TAMM41: variants seen among roughly 807,000 people sequenced by gnomAD.
TAMM41 encodes phosphatidate cytidylyltransferase, mitochondrial.
TAMM41 carries 36 observed loss-of-function variants against 44.1 expected under a neutral mutation model. The ratio of observed to expected loss-of-function variants is 0.82; its 90% CI spans 0.63 to 1.08. TAMM41 has a LOEUF of 1.08. Ranked by LOEUF, TAMM41 falls within the 50% of genes least tolerant of loss-of-function variation. The pLI, the probability that TAMM41 is intolerant of heterozygous loss-of-function variation, is 0.00. For missense variants in TAMM41, 417 were observed against 404.3 expected (o/e 1.03, Z -0.27); for synonymous variants, 164 against 153.1 (o/e 1.07, Z -0.53).
At chr3:11,805,724 GA>G (rs1261416774) in intron 7 of TAMM41, among the ~76,000 whole-genome samples, 1 of 152,240 alleles carries the variant, frequency 6.6e-6, no homozygotes, top group Non-Finnish European at 1.5e-5. Flanking sequence ...GAATTAGGTT[GA>G]AAGATCACTC....
intron 3 of TAMM41, among the ~76,000 whole-genome samples, chr3:11,833,560 G>T (rs2079066792): frequency 6.6e-6 from 1 of 152,218 alleles, no homozygotes; most frequent in Non-Finnish European, 1.5e-5. Flanking sequence ...AGAGCTGGAT[G>T]AAACCTTACT....
At chr3:11,795,159 GA>G (rs2077574786) in intron 7 of TAMM41, among the ~76,000 whole-genome samples, 1 of 152,214 alleles carries the variant, frequency 6.6e-6, no homozygotes, top group Admixed American at 6.5e-5. Flanking sequence ...GAGCAAGACT[GA>G]ACCTGTCTTG....
intron 4 of TAMM41, among the ~76,000 whole-genome samples, chr3:11,823,069 T>C (rs2078589388): frequency 6.6e-6 from 1 of 152,222 alleles, no homozygotes; most frequent in Non-Finnish European, 1.5e-5. Flanking sequence ...ACAGCCATTG[T>C]AGCAGGTATA....
chr3:11,729,240 A>G, the TAMM41 span, among the ~76,000 whole-genome samples: 1 of 152,282 alleles, frequency 6.6e-6, no homozygotes, highest in South Asian at 2.1e-4. Context: ...ACAATTCAAC[A>G]TGCAATATAT....
At chr3:11,729,539 A>ATTTTTTTTTTTTT in the TAMM41 span, among the ~76,000 whole-genome samples, 53 of 32,294 alleles carry the variant, frequency 1.6e-3, 8 homozygotes, top group Admixed American at 2.9e-3. Context: ...TCTTTCTTTC[A>ATTTTTTTTTTTTT]TTTTTTTTTT....
At chr3:11,769,181 ACGGG>A in the TAMM41 span, among the ~76,000 whole-genome samples, 1 of 152,062 alleles carries the variant, frequency 6.6e-6, no homozygotes, top group Non-Finnish European at 1.5e-5. Context: ...CTCTAACCTG[ACGGG>A]TTCAAGCGAT....
chr3:11,799,374 C>T (rs2077688820), intron 7 of TAMM41, among the ~76,000 whole-genome samples: 1 of 152,176 alleles, frequency 6.6e-6, no homozygotes, highest in Non-Finnish European at 1.5e-5. Context: ...CCAAGTCACA[C>T]TGGTTAGGTT....
At chr3:11,749,514 G>A in the TAMM41 span, among the ~76,000 whole-genome samples, 1 of 152,334 alleles carries the variant, frequency 6.6e-6, no homozygotes, top group African/African-American at 2.4e-5. Flanking sequence ...CCAGTCCATT[G>A]TTTAGTACTA....
chr3:11,766,877 G>A, the TAMM41 span, among the ~76,000 whole-genome samples: 3 of 152,066 alleles, frequency 2.0e-5, no homozygotes, highest in African/African-American at 7.2e-5. Flanking sequence ...CCTAGAGTAT[G>A]TTTTTAAATT....
chr3:11,813,880 ATGTATATATGTGTATATATGTATATATG>A (rs1162145483), intron 5 of TAMM41, among the ~76,000 whole-genome samples: 4 of 145,664 alleles, frequency 2.7e-5, no homozygotes, highest in African/African-American at 1.1e-4. Context: ...ATATGTATAT[ATGTATATATGTGTATATATGTATATATG>A]TGTGTATATA....
intron 4 of TAMM41, among the ~76,000 whole-genome samples, chr3:11,824,046 G>T (rs1575673441): frequency 2.0e-5 from 3 of 151,516 alleles, no homozygotes. Flanking sequence ...AGACTGGTCT[G>T]GAACCCCTGA....
chr3:11,813,828 A>ATGTG (rs143683206), intron 5 of TAMM41, among the ~76,000 whole-genome samples: 15,232 of 142,606 alleles, frequency 0.11, 1,170 homozygotes, highest in Admixed American at 0.25. Context: ...GTACAAATAT[A>ATGTG]TGTGTGTGTG....
At chr3:11,842,186 C>T (rs528149342) in intron 2 of TAMM41, among the ~76,000 whole-genome samples, 3 of 152,144 alleles carry the variant, frequency 2.0e-5, no homozygotes, top group Admixed American at 1.3e-4. Context: ...GTCAGGAGTT[C>T]GTGACCAGCC....
the TAMM41 span, among the ~76,000 whole-genome samples, chr3:11,750,476 T>A: frequency 1.3e-5 from 2 of 151,602 alleles, no homozygotes; most frequent in Non-Finnish European, 2.9e-5. Flanking sequence ...GTGCGGCTAA[T>A]TTTTACATTT....
intron 5 of TAMM41, chr3:11,810,745 T>A (rs1341413232): frequency 3.9e-5 from 6 of 152,192 alleles, no homozygotes; most frequent in Non-Finnish European, 5.9e-5. Context: ...TACCATTTTT[T>A]AAATTGAATA....
the TAMM41 span, among the ~76,000 whole-genome samples, chr3:11,728,459 T>C: frequency 6.6e-6 from 1 of 152,250 alleles, no homozygotes; most frequent in Non-Finnish European, 1.5e-5. Context: ...GCAAAATGTC[T>C]GTACAAGTAT....
chr3:11,790,339 G>A (rs2077449980), downstream of TAMM41: 1 of 677,458 alleles, frequency 1.5e-6, no homozygotes, highest in Admixed American at 2.7e-5. Context: ...ATATATTTGG[G>A]TCCCAACTGG....
the TAMM41 span, among the ~76,000 whole-genome samples, chr3:11,782,688 C>T: frequency 1.3e-5 from 2 of 152,196 alleles, no homozygotes; most frequent in Admixed American, 6.5e-5. Flanking sequence ...CATTTTTATA[C>T]AGTCCACTAG....
the TAMM41 span, among the ~76,000 whole-genome samples, chr3:11,751,813 G>A: frequency 6.6e-6 from 1 of 152,198 alleles, no homozygotes; most frequent in African/African-American, 2.4e-5. Context: ...TTCTGACTAC[G>A]TTAATGTGGA....
Sources: gnomAD v4.1 joint callset for allele counts (sites outside exome capture counted in the v4.1 genomes callset) on GRCh38, gnomAD v4.1.1 for gene constraint, MANE v1.5 for transcripts, NCBI Gene and HGNC (gene_info 2026-07-23, HGNC 2026-07-21) for gene names.